SPOPL: variants seen among roughly 807,000 people sequenced by gnomAD.
The protein encoded by SPOPL is speckle type BTB/POZ protein like.
A neutral mutation model predicts 53.8 loss-of-function variants in SPOPL; 23 were observed. The ratio of observed to expected loss-of-function variants is 0.43; its 90% CI spans 0.31 to 0.61. The LOEUF is 0.61. Ranked by LOEUF, SPOPL falls within the 20% of genes least tolerant of loss-of-function variation. The pLI is 0.12. For synonymous variants in SPOPL, 164 were observed against 149.7 expected (o/e 1.10, Z -0.70); for missense variants, 442 against 466.9 (o/e 0.95, Z 0.49).
intron 1 of SPOPL, among the ~76,000 whole-genome samples, chr2:138,536,344 C>CACACACA (rs1553469712): frequency 6.0e-5 from 9 of 149,448 alleles, no homozygotes; most frequent in African/African-American, 2.3e-4. Context: ...AGTGCCCCCC[C>CACACACA]CCCACACACA....
At position 138,550,247 on chromosome 2, in the gene SPOPL, G is replaced by GGT; in HGVS notation, c.32_33insTG (p.Asp12GlufsTer8). 1 of 1,613,534 alleles carries GGT rather than the reference G, an allele frequency of 6.2e-7. No homozygotes were observed. The highest frequency in any genetic ancestry group is 2.2e-5 in the East Asian group (1 of 44,842). Reference sequence around the variant, plus strand: ...TCGGGAACCCACCCCACCTCTACCTGGAGATATGTCTACTGGTCCCATAGC... The same window carrying GGT: ...TCGGGAACCCACCCCACCTCTACCTGGTGAGATATGTCTACTGGTCCCATAGC... On this transcript the variant is annotated frameshift_variant, in exon 2 of 11. Coordinates refer to ENST00000280098, the MANE Select transcript of SPOPL (RefSeq NM_001001664.3). LOFTEE classifies it high-confidence loss of function.
intron 1 of SPOPL, among the ~76,000 whole-genome samples, chr2:138,535,944 G>T (rs1684922267): frequency 6.6e-6 from 1 of 151,714 alleles, no homozygotes; most frequent in Non-Finnish European, 1.5e-5. Flanking sequence ...TCAGTTATAT[G>T]GTTCAGCTCC....
chr2:138,510,108 TTATC>T (rs1684296032), intron 1 of SPOPL, among the ~76,000 whole-genome samples: 1 of 152,256 alleles, frequency 6.6e-6, no homozygotes, highest in Admixed American at 6.5e-5. Flanking sequence ...GTACCACAGT[TTATC>T]CATTGACCTA....
In SPOPL at chr2:138,552,572, G is replaced by T; in HGVS notation, c.371G>T (p.Arg124Leu). The change falls in exon 5 of 11, where the codon CGA becomes CTA. Residue 124 changes from arginine to leucine, a missense_variant. Physicochemically the swap from Arg to Leu is moderately radical, Grantham distance 102 (BLOSUM62 -2). Coordinates refer to ENST00000280098, the MANE Select transcript of SPOPL (RefSeq NM_001001664.3). The stretch of plus-strand genomic sequence containing the variant: ...CCACCAGAAAGCCAAAGAGCATATC[G>T]ATTTGTGCAAGGGAAGGACTGGGGT... ...TKAMESQRAY[R>L]FVQGKDWGFK... The T allele has an allele frequency of 6.2e-7, 1 of 1,611,298 alleles. No individual in the cohort carries two copies. Among genetic ancestry groups the T allele is most frequent in the Non-Finnish European group, 8.5e-7 (1 of 1,178,730 alleles).
In SPOPL at chr2:138,559,077, T is replaced by G; in HGVS notation, c.536T>G (p.Leu179Trp). Reference sequence around the variant, plus strand: ...TCAGGACATACTAATACAAATACTTTGAAGGTGCCTGAGTGTCGTCTAGCA... The same window carrying G: ...TCAGGACATACTAATACAAATACTTGGAAGGTGCCTGAGTGTCGTCTAGCA... ...NISGHTNTNTLKVPECRLAED... is the reference protein window; with the variant it reads ...NISGHTNTNTWKVPECRLAED... Residue 179 changes from leucine (L) to tryptophan (W), a missense_variant, in exon 6 of 11, where the codon TTG (leucine) becomes TGG (tryptophan). By Grantham distance (61) the Leu-to-Trp change is moderately conservative. Coordinates refer to ENST00000280098, the MANE Select transcript of SPOPL (RefSeq NM_001001664.3). The G allele has an allele frequency of 1.2e-6, 2 of 1,613,642 alleles. No individual in the cohort carries two copies.
chr2:138,554,599 G>T, intron 5 of SPOPL: 1 of 1,029,008 alleles, frequency 9.7e-7, no homozygotes, highest in Non-Finnish European at 1.3e-6. Context: ...GTTCCCTACA[G>T]TGGTTAAAGT....
At position 138,569,095 on chromosome 2, in the gene SPOPL, AG is replaced by A; in HGVS notation, c.*16del. 3 of 1,607,474 alleles carry A rather than the reference AG, an allele frequency of 1.9e-6. No homozygotes were observed. Among genetic ancestry groups the A allele is most frequent in the Non-Finnish European group, 2.5e-6 (3 of 1,177,232 alleles). On this transcript the variant is annotated 3_prime_UTR_variant, in exon 11 of 11. Coordinates refer to ENST00000280098, the MANE Select transcript of SPOPL (RefSeq NM_001001664.3). ...AACAGTCCTGAAATCTTCCATGAAC[AG>A]TTGAAAAATGGAATTGACTTTCACT... is the stretch of plus-strand genomic sequence containing the variant.
At chr2:138,549,659 T>G (rs1212787257) in intron 1 of SPOPL, among the ~76,000 whole-genome samples, 2 of 152,138 alleles carry the variant, frequency 1.3e-5, no homozygotes, top group East Asian at 3.8e-4. Flanking sequence ...AAAGTCTGTA[T>G]TTCTTCTTAC....
intron 1 of SPOPL, among the ~76,000 whole-genome samples, chr2:138,543,752 A>T (rs530427880): frequency 2.0e-5 from 3 of 152,016 alleles, no homozygotes; most frequent in Admixed American, 6.5e-5. Context: ...GTCATTCTCC[A>T]TCCAGCTTTG....
chr2:138,543,522 C>T (rs1352440705), intron 1 of SPOPL, among the ~76,000 whole-genome samples: 2 of 152,186 alleles, frequency 1.3e-5, no homozygotes, highest in East Asian at 1.9e-4. Context: ...TTCAGTTGGT[C>T]GCATTGGCTA....
At chr2:138,534,404 G>A (rs1353447252) in intron 1 of SPOPL, among the ~76,000 whole-genome samples, 1 of 152,104 alleles carries the variant, frequency 6.6e-6, no homozygotes, top group East Asian at 1.9e-4. Flanking sequence ...GATACCAGAG[G>A]ATATGTGTAT....
chr2:138,562,658 C>G (rs1057106337), intron 8 of SPOPL, among the ~76,000 whole-genome samples: 16 of 151,756 alleles, frequency 1.1e-4, no homozygotes, highest in African/African-American at 3.4e-4. Context: ...GTGGTGTGTG[C>G]CTGTAATCCC....
intron 5 of SPOPL, among the ~76,000 whole-genome samples, chr2:138,558,786 A>G (rs1337106551): frequency 1.3e-5 from 2 of 152,176 alleles, no homozygotes; most frequent in Non-Finnish European, 2.9e-5. Context: ...ATTCTAACCA[A>G]TTGATAAGCC....
At chr2:138,510,661 C>T (rs545771002) in intron 1 of SPOPL, among the ~76,000 whole-genome samples, 1 of 152,278 alleles carries the variant, frequency 6.6e-6, no homozygotes, top group African/African-American at 2.4e-5. Flanking sequence ...TAATACCCCT[C>T]TTTATTCCTG....
intron 1 of SPOPL, among the ~76,000 whole-genome samples, chr2:138,505,766 A>G (rs1236455543): frequency 6.6e-6 from 1 of 151,966 alleles, no homozygotes; most frequent in Non-Finnish European, 1.5e-5. Context: ...GTCTCAAAAT[A>G]AAATAATAAT....
At chr2:138,512,383 A>G (rs1684342528) in intron 1 of SPOPL, among the ~76,000 whole-genome samples, 1 of 152,164 alleles carries the variant, frequency 6.6e-6, no homozygotes, top group South Asian at 2.1e-4. Context: ...ATAACCTGTG[A>G]TGTAGTTGGG....
intron 1 of SPOPL, among the ~76,000 whole-genome samples, chr2:138,505,774 A>T (rs1684204327): frequency 6.6e-6 from 1 of 151,914 alleles, no homozygotes; most frequent in South Asian, 2.1e-4. Flanking sequence ...ATAAAATAAT[A>T]ATAATTATAA....
Position 138,541,001 on chromosome 2 carries a change from C to A in SPOPL, c.-60-9156C>A, listed in dbSNP as rs184244968. ...CCTTTTCTGCATCTATTGAGATAAT[C>A]ATATGGTTTTTTTCATTGTTTCTGT... On this transcript the variant is annotated intron_variant, in intron 1 of 10. Coordinates refer to ENST00000280098, the MANE Select transcript of SPOPL (RefSeq NM_001001664.3). Among the ~76,000 whole-genome samples, 937 of 152,196 alleles carry A rather than the reference C, an allele frequency of 6.2e-3. 12 individuals carry two copies. Among genetic ancestry groups the A allele is most frequent in the African/African-American group, 0.021 (890 of 41,496 alleles).
chr2:138,543,093 G>A (rs184282327), intron 1 of SPOPL, among the ~76,000 whole-genome samples: 29 of 152,314 alleles, frequency 1.9e-4, no homozygotes, highest in African/African-American at 6.7e-4. Flanking sequence ...TAGAGTTTCT[G>A]CCGAGAGATC....
Sources: gnomAD v4.1 joint callset for allele counts (sites outside exome capture counted in the v4.1 genomes callset) on GRCh38, gnomAD v4.1.1 for gene constraint, MANE v1.5 for transcripts, NCBI Gene and HGNC (gene_info 2026-07-23, HGNC 2026-07-21) for gene names.